Variants in CABIN1 observed in about 807,000 individuals in gnomAD.
CABIN1 encodes calcineurin binding protein 1.
Under a neutral mutation model 227.7 loss-of-function variants are expected in CABIN1, and 133 were observed. The ratio of observed to expected loss-of-function variants is 0.58; its 90% CI spans 0.51 to 0.67. The LOEUF (loss-of-function observed/expected upper bound fraction) is 0.67, where lower values mean the gene tolerates loss of function less well. Ranked by LOEUF, CABIN1 falls within the 30% of genes least tolerant of loss-of-function variation. The pLI is 0.00. For synonymous variants in CABIN1, 1,086 were observed against 1,155.1 expected (o/e 0.94, Z 1.21); for missense variants, 2,408 against 2,852.5 (o/e 0.84, Z 3.55).
At chr22:24,120,348 C>T (rs1445992249) in intron 28 of CABIN1, among the ~76,000 whole-genome samples, 3 of 152,242 alleles carry the variant, frequency 2.0e-5, no homozygotes, top group Non-Finnish European at 2.9e-5. Context: ...CTTCCAGGGG[C>T]TTCCCAGCCA....
chr22:24,129,928 C>A (rs893633922), intron 28 of CABIN1, among the ~76,000 whole-genome samples: 2 of 152,212 alleles, frequency 1.3e-5, no homozygotes, highest in South Asian at 4.1e-4. Flanking sequence ...TGCCCTGAGG[C>A]AGGTGCAGCC....
At chr22:24,069,273 C>T (rs563953405) in intron 16 of CABIN1, among the ~76,000 whole-genome samples, 8 of 152,270 alleles carry the variant, frequency 5.3e-5, no homozygotes, top group South Asian at 2.1e-4. Flanking sequence ...TGTATTCCTA[C>T]GTTGCTGGCT....
In CABIN1 at chr22:24,076,210, C is replaced by A; in HGVS notation, c.2674C>A (p.Leu892Met). The change falls in exon 19 of 37, where the codon CTG (leucine) becomes ATG (methionine). Residue 892 changes from leucine (L) to methionine (M), a missense_variant. Physicochemically the swap from Leu to Met is conservative, Grantham distance 15 (BLOSUM62 2). Around this residue, in one of 3 missense-constraint regions of CABIN1, gnomAD observed 1,045 missense variants for 1,168.4 expected, o/e 0.89. Transcript: ENST00000263119. ...CATGCTCCCATCCTCCCTCATGCTG[C>A]TGAACACAGCCCACGAGTATTTGGG... ...TPMLPSSLML[L>M]NTAHEYLGRR... is the part of the protein sequence containing the mutation. The A allele has an allele frequency of 6.2e-7, 1 of 1,614,192 alleles. No individual in the cohort carries two copies. The highest frequency in any genetic ancestry group is 1.7e-5 in the Admixed American group (1 of 60,024).
intron 8 of CABIN1, 145 bp downstream of exon 8, chr22:24,051,119 T>C: frequency 1.0e-6 from 1 of 1,002,176 alleles, no homozygotes; most frequent in Non-Finnish European, 1.5e-6. Context: ...GGCCAAATGG[T>C]TGGAGGTGCA....
At chr22:24,147,437 TTTTCTTTC>T (rs556031612) in intron 29 of CABIN1, among the ~76,000 whole-genome samples, 1 of 149,434 alleles carries the variant, frequency 6.7e-6, no homozygotes, top group Non-Finnish European at 1.5e-5. Context: ...CTTTCTTTTC[TTTTCTTTC>T]TTTCTTTCTT....
At chr22:24,107,179 G>C (rs6004061) in intron 26 of CABIN1, among the ~76,000 whole-genome samples, 105 of 152,228 alleles carry the variant, frequency 6.9e-4, no homozygotes, top group African/African-American at 2.3e-3. Flanking sequence ...TGCCTCTCCA[G>C]CTCTGCCACA....
At position 24,041,137 on chromosome 22, in the gene CABIN1, A is replaced by G. The variant is rs1189317726; in HGVS notation, c.211-2A>G. ...GTCACTTCTGTTCTGTTTTGTTCAC[A>G]GGCAGTTTCATCCGGTGATGAGAAA... is the stretch of plus-strand genomic sequence containing the variant. On this transcript the variant is annotated splice_acceptor_variant, in intron 4 of 36. Transcript: ENST00000263119. LOFTEE classifies it high-confidence loss of function. 9 of 1,614,192 alleles carry G rather than the reference A, an allele frequency of 5.6e-6. No homozygotes were observed. The highest frequency in any genetic ancestry group is 7.6e-6 in the Non-Finnish European group (9 of 1,180,020).
intron 24 of CABIN1, among the ~76,000 whole-genome samples, chr22:24,094,091 G>A (rs1219541773): frequency 6.6e-6 from 1 of 152,142 alleles, no homozygotes; most frequent in Non-Finnish European, 1.5e-5. Context: ...TTGGGGGTGA[G>A]AAGGGTAAGG....
intron 29 of CABIN1, among the ~76,000 whole-genome samples, chr22:24,146,119 C>G (rs147396017): frequency 3.4e-4 from 52 of 152,258 alleles, no homozygotes; most frequent in Admixed American, 7.2e-4. Context: ...CAGTGGGAAT[C>G]ATAGGACAGA....
chr22:24,070,051 G>A (rs193086329), intron 16 of CABIN1, among the ~76,000 whole-genome samples: 1 of 150,362 alleles, frequency 6.7e-6, no homozygotes, highest in African/African-American at 2.5e-5. Flanking sequence ...ATTTAAATGG[G>A]TTGTATTCTA....
rs986731209 is a variant in CABIN1, at chr22:24,067,197, G to A, written c.2232+16G>A. The A allele has an allele frequency of 2.3e-5, 37 of 1,613,724 alleles. No individual in the cohort carries two copies. Among genetic ancestry groups the A allele is most frequent in the Non-Finnish European group, 2.9e-5 (34 of 1,179,726 alleles). On this transcript the variant is annotated intron_variant, in intron 16 of 36. Transcript: ENST00000263119. The stretch of plus-strand genomic sequence containing the variant: ...TCTTCTGCAGGTGTGTGCTGCCAGT[G>A]TCCCTCACACCCACTTGCACCTTCT...
chr22:24,063,994 T>G, intron 14 of CABIN1, 41 bp from the exon 15 acceptor site: 2 of 1,612,966 alleles, frequency 1.2e-6, no homozygotes, highest in Non-Finnish European at 1.7e-6. Context: ...TCATAGTCAG[T>G]CTTCTGCTTT....
intron 1 of CABIN1, among the ~76,000 whole-genome samples, chr22:24,012,579 G>T (rs2034903682): frequency 2.0e-5 from 3 of 152,098 alleles, no homozygotes. Flanking sequence ...GGGTGCTGAG[G>T]TCTGAAGGTG....
chr22:24,135,041 C>T (rs901942049), intron 29 of CABIN1, among the ~76,000 whole-genome samples: 3 of 151,258 alleles, frequency 2.0e-5, no homozygotes, highest in African/African-American at 7.3e-5. Context: ...CATGCCATTG[C>T]ACTCCAGCCT....
rs2047236509 is a variant in CABIN1 at position 24,178,444 on chromosome 22, C to T, written c.*248C>T. 3.7e-6 allele frequency: 2 copies of T among 543,008 alleles called. No individual in the cohort carries two copies. The highest frequency in any genetic ancestry group is 2.0e-5 in the South Asian group (1 of 48,978). The allele number at this position is 543,008 out of a possible 1,614,324, so 33.6% of individuals were successfully genotyped here. A position where few individuals can be genotyped will look rare whatever the true frequency, so the allele number is the denominator to read the frequency against. On this transcript the variant is annotated 3_prime_UTR_variant, in exon 37 of 37. Coordinates refer to ENST00000263119, the MANE Select transcript of CABIN1 (RefSeq NM_012295.4). ...GAAGGTGGATTGGTCGCCATCTGCACGCCAGGCGGCATCCTTTTCTATGAA... is the reference window on the plus strand; with the variant it reads ...GAAGGTGGATTGGTCGCCATCTGCATGCCAGGCGGCATCCTTTTCTATGAA...
chr22:24,143,672 C>T (rs2044922811), intron 29 of CABIN1, among the ~76,000 whole-genome samples: 1 of 152,164 alleles, frequency 6.6e-6, no homozygotes, highest in Non-Finnish European at 1.5e-5. Flanking sequence ...GTGGCAGGAC[C>T]AGCACTTATT....
chr22:24,055,399 G>T (rs1240120613), intron 9 of CABIN1, among the ~76,000 whole-genome samples: 1 of 152,262 alleles, frequency 6.6e-6, no homozygotes, highest in East Asian at 1.9e-4. Context: ...GATCAGGGAT[G>T]CAGCTCCTGG....
Position 24,167,079 on chromosome 22 carries a change from C to G in CABIN1, c.5448C>G (p.Ala1816=), listed in dbSNP as rs2046493269. The change falls in exon 32 of 37, where the codon GCC becomes GCG. Residue 1816 remains alanine (A), a synonymous_variant. Coordinates refer to ENST00000263119, the MANE Select transcript of CABIN1 (RefSeq NM_012295.4). ...ARQQPTPLTP[A]QPAPAPAPAT... ...AGCAGCCCACCCCGCTCACCCCAGC[C>G]CAGCCAGCCCCCGCCCCCGCCCCCG... 1 of 1,545,054 alleles carries G rather than the reference C, an allele frequency of 6.5e-7. No individual in the cohort carries two copies. Among genetic ancestry groups the G allele is most frequent in the Non-Finnish European group, 8.7e-7 (1 of 1,145,092 alleles).
chr22:24,059,998 C>CTG lies in CABIN1; in HGVS notation c.1475_1476dup (p.Lys493Ter). ...CATCCTGGAGCTGATGATGCGCTAC[C>CTG]TGAAAGCCATGGGCCACAAGTTCTT... On this transcript the variant is annotated frameshift_variant, in exon 12 of 37. Transcript: ENST00000263119. LOFTEE classifies it high-confidence loss of function. 6.2e-7 allele frequency: 1 copy of CTG among 1,614,230 alleles called. No homozygotes were observed.
Sources: gnomAD v4.1 joint callset for allele counts (sites outside exome capture counted in the v4.1 genomes callset) on GRCh38, gnomAD v4.1.1 for gene constraint, gnomAD v4.1.1 regional missense constraint, MANE v1.5 for transcripts, NCBI Gene and HGNC (gene_info 2026-07-23, HGNC 2026-07-21) for gene names.